FHIT: variants seen among roughly 807,000 people sequenced by gnomAD.
FHIT encodes bis(5'-adenosyl)-triphosphatase.
FHIT carries 19 observed loss-of-function variants against 17.9 expected under a neutral mutation model. That is an observed-to-expected ratio of 1.06 (90% confidence interval 0.74 to 1.56). The LOEUF is 1.56. Among genes scored for constraint, FHIT ranks in the 40% most tolerant of loss-of-function variants. The pLI, the probability that FHIT is intolerant of heterozygous loss-of-function variation, is 0.00. For missense variants in FHIT, 248 were observed against 189.2 expected (o/e 1.31, Z -1.82); for synonymous variants, 81 against 69.7 (o/e 1.16, Z -0.81).
At chr3:59,863,188 C>G (rs1702483111) in intron 8 of FHIT, among the ~76,000 whole-genome samples, 1 of 152,202 alleles carries the variant, frequency 6.6e-6, no homozygotes, top group East Asian at 1.9e-4. Flanking sequence ...CAGTTACCCA[C>G]TCCCTCTCAG....
At chr3:60,128,880 T>C (rs1271737968) in intron 5 of FHIT, among the ~76,000 whole-genome samples, 1 of 152,126 alleles carries the variant, frequency 6.6e-6, no homozygotes, top group South Asian at 2.1e-4. Flanking sequence ...CCTAACACAG[T>C]TCTTTGCACA....
chr3:60,922,449 G>A (rs1707334667), intron 3 of FHIT, among the ~76,000 whole-genome samples: 2 of 152,144 alleles, frequency 1.3e-5, no homozygotes, highest in Non-Finnish European at 2.9e-5. Context: ...TGCCCCTTGG[G>A]ACTCACAGAA....
At chr3:61,248,210 G>A (rs2040531610) in intron 1 of FHIT, among the ~76,000 whole-genome samples, 1 of 152,178 alleles carries the variant, frequency 6.6e-6, no homozygotes, top group South Asian at 2.1e-4. Flanking sequence ...GGAACAGGGT[G>A]CTTATGAATG....
At chr3:59,952,162 G>A (rs749501466) in intron 7 of FHIT, among the ~76,000 whole-genome samples, 8 of 152,050 alleles carry the variant, frequency 5.3e-5, no homozygotes, top group Non-Finnish European at 8.8e-5. Context: ...TTAGTCTTGC[G>A]GATGTTTGAA....
At chr3:60,562,753 A>G (rs888405286) in intron 4 of FHIT, among the ~76,000 whole-genome samples, 2 of 152,246 alleles carry the variant, frequency 1.3e-5, no homozygotes, top group South Asian at 4.2e-4. Flanking sequence ...GTGTATTAAG[A>G]CTTTGAGAAG....
chr3:60,541,964 CCT>C (rs1429624727), intron 4 of FHIT, among the ~76,000 whole-genome samples: 3 of 152,112 alleles, frequency 2.0e-5, no homozygotes, highest in Non-Finnish European at 2.9e-5. Flanking sequence ...TCCTTTTTGT[CCT>C]CTGTGTTCAG....
intron 3 of FHIT, among the ~76,000 whole-genome samples, chr3:60,840,345 C>T (rs374309094): frequency 6.6e-6 from 1 of 152,134 alleles, no homozygotes; most frequent in East Asian, 1.9e-4. Context: ...CTCTCTATGA[C>T]TGCTGTTCTA....
chr3:60,196,616 A>C (rs1702651438), intron 5 of FHIT, among the ~76,000 whole-genome samples: 1 of 152,066 alleles, frequency 6.6e-6, no homozygotes, highest in African/African-American at 2.4e-5. Context: ...CACCTACCAA[A>C]GTGGGTTAGG....
At chr3:60,927,109 C>T (rs1159245741) in intron 3 of FHIT, among the ~76,000 whole-genome samples, 1 of 152,194 alleles carries the variant, frequency 6.6e-6, no homozygotes, top group Non-Finnish European at 1.5e-5. Flanking sequence ...GCCTGATTCT[C>T]CTGCCTCAGC....
intron 5 of FHIT, among the ~76,000 whole-genome samples, chr3:60,070,739 G>C (rs1702731286): frequency 6.6e-6 from 1 of 152,218 alleles, no homozygotes; most frequent in Admixed American, 6.5e-5. Context: ...TATAGTCCAT[G>C]AGACAGAAGG....
chr3:60,825,232 A>T (rs1553740580), intron 3 of FHIT, among the ~76,000 whole-genome samples: 2 of 152,186 alleles, frequency 1.3e-5, no homozygotes, highest in East Asian at 3.9e-4. Context: ...ACATACACAT[A>T]AGGGGACATA....
At chr3:60,635,977 C>T (rs192312938) in intron 4 of FHIT, among the ~76,000 whole-genome samples, 2 of 152,290 alleles carry the variant, frequency 1.3e-5, no homozygotes, top group Admixed American at 1.3e-4. Context: ...TTGTCAACCC[C>T]TGCTCAGGAG....
At chr3:60,921,595 C>G (rs1559831097) in intron 3 of FHIT, among the ~76,000 whole-genome samples, 1 of 152,104 alleles carries the variant, frequency 6.6e-6, no homozygotes, top group Non-Finnish European at 1.5e-5. Context: ...AATGTCAAAT[C>G]CTTTGAATAT....
chr3:59,795,976 C>T (rs1431339037), intron 8 of FHIT, among the ~76,000 whole-genome samples: 2 of 152,114 alleles, frequency 1.3e-5, no homozygotes, highest in Non-Finnish European at 2.9e-5. Flanking sequence ...CTGAGTGCGC[C>T]CTGCTGTGTG....
rs893958103 is a variant in FHIT, at chr3:60,287,759, G to T, written c.103+249101C>A. ...AGGAAAAGGAAAAGAAAGGATTCAG[G>T]GTTCTCTGATTATCTCTGTGCAGGT... On this transcript the variant is annotated intron_variant, in intron 5 of 9. Transcript: ENST00000492590. 3.9e-5 allele frequency among the ~76,000 whole-genome samples: 6 copies of T among 152,034 alleles called. No individual in the cohort carries two copies. The East Asian group carries it at 1.2e-3, about 29-fold the overall frequency.
At chr3:60,027,383 C>T (rs1350454749) in intron 5 of FHIT, among the ~76,000 whole-genome samples, 1 of 152,076 alleles carries the variant, frequency 6.6e-6, no homozygotes, top group Non-Finnish European at 1.5e-5. Flanking sequence ...TCTTTATATG[C>T]TTAGATATTA....
chr3:60,736,981 A>G (rs2042146313), intron 4 of FHIT, among the ~76,000 whole-genome samples: 3 of 152,230 alleles, frequency 2.0e-5, no homozygotes, highest in Non-Finnish European at 4.4e-5. Context: ...AAGTGCTAAG[A>G]GAATGGGAAA....
chr3:60,919,136 T>C lies in FHIT; in HGVS notation c.-110-97125A>G, dbSNP rs556788602. Among the ~76,000 whole-genome samples the C allele has an allele frequency of 1.4e-4, 21 of 152,282 alleles. No individual in the cohort carries two copies. In the South Asian group the frequency reaches 4.2e-3, roughly 30 times the overall value. On this transcript the variant is annotated intron_variant, in intron 3 of 9. Transcript: ENST00000492590. ...GAAAGTTAAGCTCTTGTCAAGATGA[T>C]GCAGGGGGCCTCATGTCAGGCTAAG...
At chr3:61,025,114 T>C (rs1386899852) in intron 3 of FHIT, among the ~76,000 whole-genome samples, 2 of 152,202 alleles carry the variant, frequency 1.3e-5, no homozygotes, top group Non-Finnish European at 2.9e-5. Context: ...CATATTCTTA[T>C]GTGCAAAATC....
Sources: gnomAD v4.1 joint callset for allele counts (sites outside exome capture counted in the v4.1 genomes callset) on GRCh38, gnomAD v4.1.1 for gene constraint, MANE v1.5 for transcripts, NCBI Gene and HGNC (gene_info 2026-07-23, HGNC 2026-07-21) for gene names.